ITSN1: variants seen among roughly 807,000 people sequenced by gnomAD.
ITSN1 encodes intersectin-1.
In ITSN1, 58 loss-of-function variants were observed where a neutral mutation model predicts 239.8. The observed-to-expected ratio is 0.24, with a 90% CI of 0.20 to 0.30. The LOEUF (loss-of-function observed/expected upper bound fraction) is 0.30, where lower values mean the gene tolerates loss of function less well. Among genes scored for constraint, ITSN1 ranks in the 10% least tolerant of loss-of-function variants. ITSN1 has a pLI of 1.00. For synonymous variants in ITSN1, 780 were observed against 770.8 expected, an observed-to-expected ratio of 1.01 and a Z score of -0.20; for missense variants, 1,558 against 2,103.3, an observed-to-expected ratio of 0.74 and a Z score of 5.07.
chr21:33,825,962 G>A (rs1445970286), intron 25 of ITSN1, among the ~76,000 whole-genome samples: 2 of 151,992 alleles, frequency 1.3e-5, no homozygotes, highest in African/African-American at 4.8e-5. Context: ...CTTTTGTTTT[G>A]TTTTAATTGG....
At chr21:33,645,358 A>G (rs2087839400) in intron 1 of ITSN1, among the ~76,000 whole-genome samples, 1 of 152,122 alleles carries the variant, frequency 6.6e-6, no homozygotes, top group African/African-American at 2.4e-5. Flanking sequence ...TTAAAAATAT[A>G]GGTTTTGGGC....
intron 27 of ITSN1, 34 bp downstream of exon 27, chr21:33,829,779 A>G (rs1246903418): frequency 6.2e-7 from 1 of 1,611,824 alleles, no homozygotes; most frequent in Non-Finnish European, 8.5e-7. Flanking sequence ...ACAATTCTCC[A>G]TCCAAGTTTC....
At chr21:33,848,201 G>T (rs919029953) in intron 29 of ITSN1, among the ~76,000 whole-genome samples, 1 of 152,212 alleles carries the variant, frequency 6.6e-6, no homozygotes, top group African/African-American at 2.4e-5. Context: ...TTCGTTTGGA[G>T]ATAAATTCTT....
At position 33,888,145 on chromosome 21, in the gene ITSN1, T is replaced by G; in HGVS notation, c.5018-7T>G. On this transcript the variant is annotated splice_region_variant and splice_polypyrimidine_tract_variant and intron_variant, in intron 39 of 39. Coordinates refer to ENST00000381318, the MANE Select transcript of ITSN1 (RefSeq NM_003024.3). ...CTCTTAGGAGGGTCTGTTTGTTCTC[T>G]TTTCAGATTTTTTGGGTCGGACGGA... 1 of 1,613,978 alleles carries G rather than the reference T, an allele frequency of 6.2e-7. No homozygotes were observed. Among genetic ancestry groups the G allele is most frequent in the Non-Finnish European group, 8.5e-7 (1 of 1,179,906 alleles).
At chr21:33,718,727 A>G in intron 1 of ITSN1, 70 bp from the exon 2 acceptor site, 2 of 949,144 alleles carry the variant, frequency 2.1e-6, no homozygotes, top group East Asian at 4.8e-5. Context: ...TAAAGATAGC[A>G]TGTTGGTGTG....
intron 27 of ITSN1, among the ~76,000 whole-genome samples, chr21:33,831,297 G>A (rs1379012870): frequency 6.6e-6 from 1 of 152,188 alleles, no homozygotes; most frequent in African/African-American, 2.4e-5. Flanking sequence ...CGTCTCTCTG[G>A]CGTTTGTTGA....
chr21:33,816,184 CT>C (rs2073256956), intron 22 of ITSN1, among the ~76,000 whole-genome samples: 1 of 150,618 alleles, frequency 6.6e-6, no homozygotes, highest in Admixed American at 6.6e-5. Context: ...CAGAGCAAGA[CT>C]GAGTTCTCAA....
Position 33,748,814 on chromosome 21 carries a change from A to G in ITSN1, c.347-1329A>G, listed in dbSNP as rs1040157437. ...CAGAAGGTGAAGGCTACAGTGAGCTATGATCATGCCATTTCACTCTAGCTT... is the reference window on the plus strand; with the variant it reads ...CAGAAGGTGAAGGCTACAGTGAGCTGTGATCATGCCATTTCACTCTAGCTT... On this transcript the variant is annotated intron_variant, in intron 5 of 39. Coordinates refer to ENST00000381318, the MANE Select transcript of ITSN1 (RefSeq NM_003024.3). Among the ~76,000 whole-genome samples the G allele has an allele frequency of 4.6e-5, 7 of 152,100 alleles. No homozygotes were observed. The East Asian group carries it at 1.3e-3, about 29-fold the overall frequency.
chr21:33,735,137 G>C lies in ITSN1; in HGVS notation c.279G>C (p.Gln93His), dbSNP rs1403248326. ...TCAAACTGAAGCTACAAGGATATCAGCTACCCTCTGCACTTCCCCCTGTCA... is the reference window on the plus strand; with the variant it reads ...TCAAACTGAAGCTACAAGGATATCACCTACCCTCTGCACTTCCCCCTGTCA... ...KLIKLKLQGY[Q>H]LPSALPPVMK... The change falls in exon 5 of 40, where the codon CAG (glutamine) becomes CAC (histidine). Residue 93 changes from glutamine to histidine, a missense_variant. This residue lies in a region of ITSN1 where 982 missense variants were observed against 1,209.9 expected (regional missense o/e 0.81). Coordinates refer to ENST00000381318, the MANE Select transcript of ITSN1 (RefSeq NM_003024.3). 1 of 1,613,954 alleles carries C rather than the reference G, an allele frequency of 6.2e-7. No homozygotes were observed. Among genetic ancestry groups the C allele is most frequent in the Non-Finnish European group, 8.5e-7 (1 of 1,179,928 alleles).
intron 1 of ITSN1, among the ~76,000 whole-genome samples, chr21:33,680,434 C>T (rs1398743397): frequency 1.3e-5 from 2 of 151,478 alleles, no homozygotes; most frequent in African/African-American, 4.9e-5. Context: ...TGGGTTCAAG[C>T]GATTCTCATG....
At chr21:33,743,453 G>A (rs2147362995) in intron 5 of ITSN1, among the ~76,000 whole-genome samples, 1 of 152,322 alleles carries the variant, frequency 6.6e-6, no homozygotes, top group East Asian at 1.9e-4. Context: ...GGGATAGAGT[G>A]AGACTAGGTC....
chr21:33,690,790 CAT>C (rs1167375498), intron 1 of ITSN1, among the ~76,000 whole-genome samples: 644 of 12,920 alleles, frequency 0.05, 38 homozygotes, highest in African/African-American at 0.2. Context: ...TATATATATA[CAT>C]ATATATATAT....
chr21:33,841,280 C>G (rs2074813999), intron 29 of ITSN1, among the ~76,000 whole-genome samples: 1 of 152,190 alleles, frequency 6.6e-6, no homozygotes, highest in Non-Finnish European at 1.5e-5. Flanking sequence ...GGAAAACCCT[C>G]TAAATATTAG....
At chr21:33,826,565 C>A (rs2073984523) in intron 25 of ITSN1, among the ~76,000 whole-genome samples, 1 of 152,192 alleles carries the variant, frequency 6.6e-6, no homozygotes, top group African/African-American at 2.4e-5. Flanking sequence ...GCTTGGAGCC[C>A]TCTGGGCTCT....
rs991957482 is a variant in ITSN1, at chr21:33,795,311, C to T, written c.1952+843C>T. The stretch of plus-strand genomic sequence containing the variant: ...AAAAATGCAAAAAATTAGCTGGGCA[C>T]GGTGGCACGCGCCTGTAGTCCCAGC... On this transcript the variant is annotated intron_variant, in intron 17 of 39. Transcript: ENST00000381318. Among the ~76,000 whole-genome samples the T allele has an allele frequency of 9.9e-5, 15 of 152,098 alleles. No individual in the cohort carries two copies. In the East Asian group the frequency reaches 1.2e-3, roughly 12 times the overall value.
intron 1 of ITSN1, among the ~76,000 whole-genome samples, chr21:33,679,000 A>G (rs1396599621): frequency 1.3e-5 from 2 of 152,252 alleles, no homozygotes; most frequent in Non-Finnish European, 2.9e-5. Flanking sequence ...AGGCATAAGC[A>G]TGAAAATAGC....
intron 1 of ITSN1, among the ~76,000 whole-genome samples, chr21:33,647,253 A>G (rs2088046275): frequency 6.6e-6 from 1 of 152,196 alleles, no homozygotes; most frequent in African/African-American, 2.4e-5. Flanking sequence ...GTAGAAAACT[A>G]TGAAATACCC....
chr21:33,875,281 C>T, intron 33 of ITSN1, 73 bp from the exon 34 acceptor site: 1 of 1,553,830 alleles, frequency 6.4e-7, no homozygotes, highest in East Asian at 2.3e-5. Context: ...TGGGCCTGGT[C>T]CTGCAGGACC....
intron 1 of ITSN1, among the ~76,000 whole-genome samples, chr21:33,666,472 A>C (rs200610496): frequency 5.2e-5 from 2 of 38,152 alleles, no homozygotes; most frequent in Admixed American, 6.6e-4. Flanking sequence ...TAAAAAAAAT[A>C]AATATTTCGA....
Sources: gnomAD v4.1 joint callset for allele counts (sites outside exome capture counted in the v4.1 genomes callset) on GRCh38, gnomAD v4.1.1 for gene constraint, gnomAD v4.1.1 regional missense constraint, MANE v1.5 for transcripts, NCBI Gene and HGNC (gene_info 2026-07-23, HGNC 2026-07-21) for gene names.